TNPO3: variants seen among roughly 807,000 people sequenced by gnomAD.
TNPO3 encodes transportin 3, also known as transportin-3.
TNPO3 carries 65 observed loss-of-function variants against 122.8 expected under a neutral mutation model. That is an observed-to-expected ratio of 0.53 (90% CI 0.43 to 0.65). The LOEUF (loss-of-function observed/expected upper bound fraction) is 0.65, where lower values mean the gene tolerates loss of function less well. Among genes scored for constraint, TNPO3 ranks in the 30% least tolerant of loss-of-function variants. The probability of loss-of-function intolerance (pLI) is 0.00; values close to 1 mark genes in which losing one functional copy is unlikely to be tolerated. For synonymous variants in TNPO3, 372 were observed against 411.2 expected (o/e 0.90, Z 1.15); for missense variants, 850 against 1,136.7 (o/e 0.75, Z 3.63).
chr7:129,035,288 A>G lies in TNPO3; in HGVS notation c.121-17131T>C, dbSNP rs535774902. On this transcript the variant is annotated intron_variant, in intron 1 of 22. Transcript: ENST00000265388. The stretch of plus-strand genomic sequence containing the variant: ...GACTCCGTCTCAAAACAACAACAAC[A>G]TATCAAGCATCTATCAAACAAAAGC... 5.9e-5 allele frequency among the ~76,000 whole-genome samples: 9 copies of G among 152,116 alleles called. No individual in the cohort carries two copies. The East Asian group carries it at 1.5e-3, about 26-fold the overall frequency.
At chr7:129,026,125 CAAA>C (rs57663203) in intron 1 of TNPO3, among the ~76,000 whole-genome samples, 11 of 99,130 alleles carry the variant, frequency 1.1e-4, no homozygotes, top group Non-Finnish European at 8.4e-5. Flanking sequence ...GACTCCGTCT[CAAA>C]AAAAAAAAAA....
intron 18 of TNPO3, among the ~76,000 whole-genome samples, chr7:128,974,113 G>A (rs1462573808): frequency 6.6e-6 from 1 of 151,824 alleles, no homozygotes; most frequent in Non-Finnish European, 1.5e-5. Flanking sequence ...GGCAGAGGTT[G>A]CAGTGAGCCG....
At chr7:129,013,117 T>C (rs2150417673) in intron 4 of TNPO3, among the ~76,000 whole-genome samples, 1 of 152,290 alleles carries the variant, frequency 6.6e-6, no homozygotes, top group Middle Eastern at 3.4e-3. Context: ...TTCTTTTATC[T>C]CTCATAATAT....
Position 129,005,165 on chromosome 7 carries a change from T to C in TNPO3, c.553-6A>G. On this transcript the variant is annotated splice_polypyrimidine_tract_variant and splice_region_variant and intron_variant, in intron 4 of 22. Transcript: ENST00000265388. Reference sequence around the variant, plus strand: ...GCTTTTTCTACACAGGTCATCTGAATAGAGAAAAAAACTTAAAATGAATAA... The same window carrying C: ...GCTTTTTCTACACAGGTCATCTGAACAGAGAAAAAAACTTAAAATGAATAA... 2 of 1,608,474 alleles carry C rather than the reference T, an allele frequency of 1.2e-6. No individual in the cohort carries two copies. The highest frequency in any genetic ancestry group is 8.5e-7 in the Non-Finnish European group (1 of 1,177,986).
chr7:128,969,930 C>G (rs900626490), intron 20 of TNPO3, among the ~76,000 whole-genome samples: 2 of 152,150 alleles, frequency 1.3e-5, no homozygotes, highest in Non-Finnish European at 2.9e-5. Flanking sequence ...TAATATACCC[C>G]CTATGACAGT....
chr7:129,030,713 T>C (rs762501299), intron 1 of TNPO3, among the ~76,000 whole-genome samples: 136 of 151,918 alleles, frequency 9.0e-4, no homozygotes, highest in Non-Finnish European at 1.5e-3. Context: ...TTCTTAAGAG[T>C]TGGGTTCATA....
chr7:129,051,274 GA>G (rs1808731500), intron 1 of TNPO3, among the ~76,000 whole-genome samples: 2 of 151,416 alleles, frequency 1.3e-5, no homozygotes, highest in Admixed American at 1.3e-4. Flanking sequence ...GACATTATTT[GA>G]TATTTTTGAG....
intron 4 of TNPO3, 75 bp from the exon 5 acceptor site, chr7:129,005,234 G>A: frequency 7.5e-7 from 1 of 1,341,660 alleles, no homozygotes; most frequent in Non-Finnish European, 1.0e-6. Flanking sequence ...CACCTTACAA[G>A]TATAATAATG....
intron 1 of TNPO3, among the ~76,000 whole-genome samples, chr7:129,048,525 G>T (rs1808320843): frequency 6.6e-6 from 1 of 151,998 alleles, no homozygotes; most frequent in Non-Finnish European, 1.5e-5. Context: ...GTGAGACTCT[G>T]TCTCAAAAAA....
At chr7:128,981,674 T>G (rs1347333565) in intron 14 of TNPO3, among the ~76,000 whole-genome samples, 3 of 152,032 alleles carry the variant, frequency 2.0e-5, no homozygotes, top group Non-Finnish European at 4.4e-5. Flanking sequence ...ATGTGAAAGT[T>G]TGGTCTTTTG....
intron 1 of TNPO3, among the ~76,000 whole-genome samples, chr7:129,052,918 A>C (rs1236950489): frequency 6.6e-6 from 1 of 152,248 alleles, no homozygotes; most frequent in Non-Finnish European, 1.5e-5. Context: ...GAGATCACAG[A>C]AACACTAAAT....
chr7:128,963,820 A>C (rs1797685201), intron 21 of TNPO3, among the ~76,000 whole-genome samples: 1 of 152,256 alleles, frequency 6.6e-6, no homozygotes, highest in Admixed American at 6.5e-5. Context: ...CACTGCTTAA[A>C]GTTCATTTTC....
At chr7:128,955,531 A>G (rs1253468220) in intron 22 of TNPO3, 146 bp from the exon 23 acceptor site, 3 of 347,688 alleles carry the variant, frequency 8.6e-6, no homozygotes, top group Non-Finnish European at 1.7e-5. Flanking sequence ...AAACAAATAA[A>G]TAAAAGTCTG....
At chr7:129,010,650 T>C (rs530378940) in intron 4 of TNPO3, among the ~76,000 whole-genome samples, 2 of 152,310 alleles carry the variant, frequency 1.3e-5, no homozygotes, top group African/African-American at 4.8e-5. Context: ...CTTAATCCAG[T>C]GGTCAACCCT....
At chr7:129,013,559 G>A (rs1287348324) in intron 4 of TNPO3, among the ~76,000 whole-genome samples, 1 of 152,120 alleles carries the variant, frequency 6.6e-6, no homozygotes, top group Non-Finnish European at 1.5e-5. Flanking sequence ...AAAACAGTAC[G>A]GAAGTTTCTC....
intron 16 of TNPO3, among the ~76,000 whole-genome samples, chr7:128,978,707 G>C (rs1056451722): frequency 8.5e-5 from 13 of 152,152 alleles, no homozygotes; most frequent in Admixed American, 8.5e-4. Context: ...ACCCTGGCTG[G>C]AGTGCAGTGC....
At chr7:128,994,798 T>C (rs760892915) in intron 8 of TNPO3, among the ~76,000 whole-genome samples, 2 of 152,054 alleles carry the variant, frequency 1.3e-5, no homozygotes, top group Admixed American at 6.6e-5. Context: ...GCTGGGACTA[T>C]AGGCATGCAC....
intron 14 of TNPO3, among the ~76,000 whole-genome samples, chr7:128,981,495 T>C (rs988798995): frequency 2.0e-5 from 3 of 152,164 alleles, no homozygotes; most frequent in Non-Finnish European, 4.4e-5. Context: ...TCTGAAAGTA[T>C]GGTCTCTGGA....
intron 1 of TNPO3, among the ~76,000 whole-genome samples, chr7:129,019,451 C>G (rs143342741): frequency 1.3e-5 from 2 of 152,242 alleles, no homozygotes; most frequent in Non-Finnish European, 2.9e-5. Context: ...TGATACGAAG[C>G]AAGTTAAGAT....
Sources: allele counts gnomAD v4.1 joint callset (sites outside exome capture counted in the v4.1 genomes callset), GRCh38; gene constraint gnomAD v4.1.1; transcripts MANE v1.5; gene names NCBI Gene and HGNC (gene_info 2026-07-23, HGNC 2026-07-21).